Variants in DDAH1 observed in about 807,000 individuals in gnomAD.
DDAH1 encodes dimethylarginine dimethylaminohydrolase 1, also known as N(G),N(G)-dimethylarginine dimethylaminohydrolase 1.
In DDAH1, 19 loss-of-function variants were observed where a neutral mutation model predicts 28.8. That is an observed-to-expected ratio of 0.66 (90% CI 0.46 to 0.97). The LOEUF (loss-of-function observed/expected upper bound fraction) is 0.97, where lower values mean the gene tolerates loss of function less well. Ranked by LOEUF, DDAH1 falls within the 50% of genes least tolerant of loss-of-function variation. DDAH1 has a pLI of 0.00. For synonymous variants in DDAH1, 153 were observed against 154.4 expected (o/e 0.99, Z 0.07); for missense variants, 326 against 375.9 (o/e 0.87, Z 1.10).
intron 1 of DDAH1, among the ~76,000 whole-genome samples, chr1:85,402,162 T>C (rs928918234): frequency 9.7e-4 from 25 of 25,782 alleles, no homozygotes; most frequent in African/African-American, 3.1e-3. Context: ...AATACTTCTA[T>C]TTTTTTTTTT....
In DDAH1 at chr1:85,321,565, A is replaced by G; in HGVS notation, c.745T>C (p.Tyr249His). 1 of 1,608,266 alleles carries G rather than the reference A, an allele frequency of 6.2e-7. No homozygotes were observed. The stretch of plus-strand genomic sequence containing the variant: ...AGCATATGGTCCTTCAGTTTCTCAT[A>G]AACCTACAGTGGGAATCAAGGAAAA... ...PEEYPESAKV[Y>H]EKLKDHMLIP... Residue 249 changes from tyrosine to histidine, a missense_variant, in exon 6 of 6, where the codon TAT becomes CAT. Tyr to His is a moderately conservative substitution (Grantham distance 83, BLOSUM62 2). Transcript: ENST00000284031.
In DDAH1 at chr1:85,493,880, A is replaced by G. The variant is rs145020029; in HGVS notation, c.-7+2286T>C. The G allele has an allele frequency of 3.8e-3, 575 of 152,356 alleles. 4 individuals are homozygous for G. Among genetic ancestry groups the G allele is most frequent in the African/African-American group, 0.013 (546 of 41,588 alleles). 9.4% of individuals were successfully genotyped at this position (152,356 alleles called of 1,614,324 possible). ...TAAATTAAAATACTGTCATTTTATA[A>G]GAAAGGTTTATTGGCTAACTGTGTA... On this transcript the variant is annotated intron_variant, in intron 2 of 6. Transcript: ENST00000426972.
chr1:85,511,133 A>G (rs912971479), intron 1 of DDAH1, among the ~76,000 whole-genome samples: 1 of 152,192 alleles, frequency 6.6e-6, no homozygotes, highest in African/African-American at 2.4e-5. Flanking sequence ...GAAAGACCAG[A>G]AATCACAACA....
intron 4 of DDAH1, among the ~76,000 whole-genome samples, chr1:85,344,576 CT>C: frequency 6.6e-6 from 1 of 151,296 alleles, no homozygotes; most frequent in Non-Finnish European, 1.5e-5. Context: ...TCCCTTCATC[CT>C]TCCCTCCCTT....
chr1:85,365,291 C>T (rs748534314), intron 1 of DDAH1, among the ~76,000 whole-genome samples: 3 of 152,110 alleles, frequency 2.0e-5, no homozygotes, highest in Non-Finnish European at 4.4e-5. Flanking sequence ...ACAATGAAAT[C>T]GAGTGACTGT....
intron 4 of DDAH1, 86 bp downstream of exon 4, chr1:85,350,329 T>C (rs1304790541): frequency 1.3e-6 from 2 of 1,531,604 alleles, no homozygotes; most frequent in Admixed American, 3.9e-5. Flanking sequence ...CCAACCCTGC[T>C]TGTTACTCCC....
chr1:85,497,133 C>G (rs1356943536), intron 1 of DDAH1, among the ~76,000 whole-genome samples: 1 of 152,208 alleles, frequency 6.6e-6, no homozygotes, highest in African/African-American at 2.4e-5. Context: ...TTCTTGTGAG[C>G]TCAGACTGAT....
intron 2 of DDAH1, among the ~76,000 whole-genome samples, chr1:85,484,611 C>A (rs1328567910): frequency 6.6e-6 from 1 of 152,166 alleles, no homozygotes; most frequent in Non-Finnish European, 1.5e-5. Flanking sequence ...GTCAGACTAA[C>A]CATGTAGAGC....
chr1:85,465,285 C>G, upstream of DDAH1: 2 of 993,800 alleles, frequency 2.0e-6, no homozygotes, highest in Non-Finnish European at 2.5e-6. Context: ...TCGCGCCAGC[C>G]CAGGCGGGAG....
chr1:85,561,332 T>C (rs966850403), intron 1 of DDAH1, among the ~76,000 whole-genome samples: 1 of 152,120 alleles, frequency 6.6e-6, no homozygotes, highest in Non-Finnish European at 1.5e-5. Context: ...TAAAAATTAC[T>C]ATACTATGGC....
intron 1 of DDAH1, among the ~76,000 whole-genome samples, chr1:85,426,587 T>C (rs1243808427): frequency 6.6e-6 from 1 of 152,098 alleles, no homozygotes; most frequent in African/African-American, 2.4e-5. Flanking sequence ...ATATTGCCTA[T>C]CAATAAATTA....
intron 1 of DDAH1, among the ~76,000 whole-genome samples, chr1:85,394,210 GT>G: frequency 6.6e-6 from 1 of 152,320 alleles, no homozygotes; most frequent in African/African-American, 2.4e-5. Flanking sequence ...ATAGATTAAT[GT>G]CTTTCTCATG....
At chr1:85,541,188 C>G (rs968505629) in intron 1 of DDAH1, among the ~76,000 whole-genome samples, 1 of 152,170 alleles carries the variant, frequency 6.6e-6, no homozygotes, top group Non-Finnish European at 1.5e-5. Context: ...CCAGTCACAA[C>G]TGATGGGCCT....
chr1:85,449,719 C>T (rs11161618), intron 1 of DDAH1, among the ~76,000 whole-genome samples: 52,315 of 151,850 alleles, frequency 0.34, 10,821 homozygotes, highest in Middle Eastern at 0.52. Flanking sequence ...TGAAGCACAA[C>T]GGAGATGCAT....
chr1:85,362,024 A>G (rs771120836), intron 1 of DDAH1, among the ~76,000 whole-genome samples: 23 of 152,244 alleles, frequency 1.5e-4, no homozygotes, highest in Non-Finnish European at 2.9e-4. Flanking sequence ...GTGCACAAGA[A>G]AACAACTGTT....
intron 1 of DDAH1, among the ~76,000 whole-genome samples, chr1:85,373,695 G>C (rs532211622): frequency 6.6e-6 from 1 of 152,076 alleles, no homozygotes; most frequent in African/African-American, 2.4e-5. Flanking sequence ...GTCTTGGGTA[G>C]TATCTTTATA....
intron 1 of DDAH1, among the ~76,000 whole-genome samples, chr1:85,392,812 A>AGG (rs1363655372): frequency 7.0e-6 from 1 of 142,716 alleles, no homozygotes; most frequent in East Asian, 2.0e-4. Context: ...AAAAAAAAAA[A>AGG]AAAAAGAAAG....
At chr1:85,513,299 T>A (rs1396545235) in intron 1 of DDAH1, among the ~76,000 whole-genome samples, 1 of 152,236 alleles carries the variant, frequency 6.6e-6, no homozygotes, top group Non-Finnish European at 1.5e-5. Context: ...GCTAGCCATA[T>A]GTAGAAAACT....
intron 1 of DDAH1, among the ~76,000 whole-genome samples, chr1:85,569,181 T>C (rs10493770): frequency 0.1 from 15,854 of 152,290 alleles, 945 homozygotes; most frequent in East Asian, 0.18. Context: ...TTATGTCTCC[T>C]TTCTGAGTTC....
Sources: gnomAD v4.1 joint callset for allele counts (sites outside exome capture counted in the v4.1 genomes callset) on GRCh38, gnomAD v4.1.1 for gene constraint, MANE v1.5 for transcripts, NCBI Gene and HGNC (gene_info 2026-07-23, HGNC 2026-07-21) for gene names.